Variants in DOCK4 observed in about 807,000 individuals in gnomAD.
The protein encoded by DOCK4 is dedicator of cytokinesis protein 4.
Under a neutral mutation model 268.1 loss-of-function variants are expected in DOCK4, and 97 were observed. That is an observed-to-expected ratio of 0.36 (90% confidence interval 0.31 to 0.43). The LOEUF (loss-of-function observed/expected upper bound fraction) is 0.43. Among genes scored for constraint, DOCK4 ranks in the 20% least tolerant of loss-of-function variants. The probability of loss-of-function intolerance (pLI) is 1.00; values close to 1 mark genes in which losing one functional copy is unlikely to be tolerated. For missense variants in DOCK4, 2,145 were observed against 2,455.7 expected, an observed-to-expected ratio of 0.87 and a Z score of 2.67; for synonymous variants, 954 against 887.2, an observed-to-expected ratio of 1.08 and a Z score of -1.34.
At chr7:111,769,916 G>A (rs753174725) in intron 36 of DOCK4, among the ~76,000 whole-genome samples, 8 of 152,074 alleles carry the variant, frequency 5.3e-5, no homozygotes, top group Non-Finnish European at 1.2e-4. Flanking sequence ...TTTCGTTTCT[G>A]TTTTTGTCTT....
At chr7:112,042,001 T>TGTAGTCCTAGCTACTCAGGA (rs1563024280) in intron 1 of DOCK4, among the ~76,000 whole-genome samples, 1 of 152,176 alleles carries the variant, frequency 6.6e-6, no homozygotes, top group African/African-American at 2.4e-5. Flanking sequence ...GGCACACGCG[T>TGTAGTCCTAGCTACTCAGGA]GTAGTCCTAG....
At chr7:112,111,144 C>G (rs1270327917) in intron 1 of DOCK4, among the ~76,000 whole-genome samples, 1 of 152,230 alleles carries the variant, frequency 6.6e-6, no homozygotes. Flanking sequence ...TCTGGGGCCT[C>G]TGGTCCTGGC....
rs571925698 is a variant in DOCK4 at position 112,198,777 on chromosome 7, A to C, written c.37+7325T>G. ...CTCTTCTCTATAGGCTACACATTTT[A>C]TGTAGCTCTAATCATAGTCTATATT... On this transcript the variant is annotated intron_variant, in intron 1 of 52. Coordinates refer to ENST00000428084, the MANE Select transcript of DOCK4 (RefSeq NM_001363540.2). Among the ~76,000 whole-genome samples, 18 of 152,334 alleles carry C rather than the reference A, an allele frequency of 1.2e-4. No homozygotes were observed. The Middle Eastern group carries it at 0.024, about 202-fold the overall frequency.
intron 17 of DOCK4, among the ~76,000 whole-genome samples, chr7:111,873,512 GC>G (rs1806599155): frequency 6.6e-6 from 1 of 152,198 alleles, no homozygotes; most frequent in Non-Finnish European, 1.5e-5. Flanking sequence ...CGAGAGAGGA[GC>G]CAGGACAGAA....
intron 30 of DOCK4, among the ~76,000 whole-genome samples, chr7:111,796,935 C>T (rs368995723): frequency 1.2e-4 from 19 of 152,230 alleles, no homozygotes; most frequent in East Asian, 5.8e-4. Flanking sequence ...AACATGGTGC[C>T]GAGATCCAAA....
intron 13 of DOCK4, among the ~76,000 whole-genome samples, chr7:111,905,545 G>T (rs564411175): frequency 3.3e-4 from 51 of 152,264 alleles, no homozygotes; most frequent in Middle Eastern, 6.8e-3. Flanking sequence ...AAGAGTTTCC[G>T]TCAGTAGTTG....
chr7:111,742,159 C>T (rs374538757), intron 44 of DOCK4, 27 bp from the exon 45 acceptor site: 4 of 1,546,082 alleles, frequency 2.6e-6, no homozygotes, highest in Non-Finnish European at 2.6e-6. Context: ...AGGAAAAAAC[C>T]TCACATCAAT....
chr7:111,989,863 C>T (rs899372883), intron 5 of DOCK4, among the ~76,000 whole-genome samples: 3 of 152,116 alleles, frequency 2.0e-5, no homozygotes, highest in Admixed American at 6.5e-5. Flanking sequence ...CTTTAAGTAC[C>T]AATTTTGTCA....
intron 23 of DOCK4, among the ~76,000 whole-genome samples, chr7:111,850,116 A>G (rs1313707372): frequency 1.3e-5 from 2 of 152,126 alleles, no homozygotes; most frequent in African/African-American, 4.8e-5. Flanking sequence ...GTAAGTACAG[A>G]TACAAAAACC....
At chr7:111,985,604 TAAG>T (rs1204495704) in intron 6 of DOCK4, among the ~76,000 whole-genome samples, 1 of 152,218 alleles carries the variant, frequency 6.6e-6, no homozygotes. Context: ...TATTTGTTCT[TAAG>T]AAGATTAGAA....
At chr7:111,972,750 C>G (rs770410102) in intron 8 of DOCK4, among the ~76,000 whole-genome samples, 1 of 152,028 alleles carries the variant, frequency 6.6e-6, no homozygotes, top group South Asian at 2.1e-4. Flanking sequence ...TATATACATA[C>G]TACCTAGATT....
At chr7:112,000,349 GAATTTCCAAAATTATA>G in intron 3 of DOCK4, 129 bp downstream of exon 3, 1 of 528,686 alleles carries the variant, frequency 1.9e-6, no homozygotes, top group East Asian at 3.0e-5. Context: ...AAGTTCAAAG[GAATTTCCAAAATTATA>G]AAAATTTGCA....
chr7:111,741,754 T>C lies in DOCK4; in HGVS notation c.4798-93A>G, dbSNP rs555139274. On this transcript the variant is annotated intron_variant, in intron 45 of 52. Coordinates refer to ENST00000428084, the MANE Select transcript of DOCK4 (RefSeq NM_001363540.2). ...TTAGCATACTAGGCACACATCCTAA[T>C]TGCCATCAAGTCTTCACATAGGGAG... 8.1e-5 allele frequency: 118 copies of C among 1,464,374 alleles called. No individual in the cohort carries two copies. In the African/African-American group the frequency reaches 1.5e-3, roughly 19 times the overall value. The allele number at this position is 1,464,374 out of a possible 1,614,324, so 90.7% of individuals were successfully genotyped here. A position where few individuals can be genotyped will look rare whatever the true frequency, so the allele number is the denominator to read the frequency against.
At chr7:111,899,477 C>G (rs907322765) in intron 15 of DOCK4, among the ~76,000 whole-genome samples, 2 of 151,984 alleles carry the variant, frequency 1.3e-5, no homozygotes, top group African/African-American at 4.8e-5. Flanking sequence ...GATTCCTGGA[C>G]TGGGGGTAGT....
intron 1 of DOCK4, among the ~76,000 whole-genome samples, chr7:112,169,694 T>C (rs546038024): frequency 1.3e-5 from 2 of 152,262 alleles, no homozygotes; most frequent in African/African-American, 4.8e-5. Context: ...TTAGTGAGAA[T>C]TCTGGCCTCG....
At chr7:111,898,663 A>T (rs1790872173) in intron 15 of DOCK4, among the ~76,000 whole-genome samples, 1 of 152,270 alleles carries the variant, frequency 6.6e-6, no homozygotes, top group Non-Finnish European at 1.5e-5. Context: ...ATGAACACAC[A>T]GATAAATATT....
intron 11 of DOCK4, among the ~76,000 whole-genome samples, chr7:111,936,515 T>TGGATGGAC (rs1794752307): frequency 6.6e-6 from 1 of 152,030 alleles, no homozygotes. Flanking sequence ...GATGGATGGA[T>TGGATGGAC]GGATGGATGG....
intron 1 of DOCK4, among the ~76,000 whole-genome samples, chr7:112,166,032 A>G (rs1299304796): frequency 6.6e-6 from 1 of 152,138 alleles, no homozygotes; most frequent in Admixed American, 6.6e-5. Context: ...CATTTCTGTC[A>G]CATCTTTTCT....
chr7:111,773,508 T>G (rs372810874), intron 36 of DOCK4, among the ~76,000 whole-genome samples: 2 of 152,334 alleles, frequency 1.3e-5, no homozygotes, highest in South Asian at 2.1e-4. Flanking sequence ...TATCCTCACT[T>G]ACCTCCCGCA....
Sources: gnomAD v4.1 joint callset for allele counts (sites outside exome capture counted in the v4.1 genomes callset) on GRCh38, gnomAD v4.1.1 for gene constraint, MANE v1.5 for transcripts, NCBI Gene and HGNC (gene_info 2026-07-23, HGNC 2026-07-21) for gene names.